Variants in PRKAG2 observed in about 807,000 individuals in gnomAD.
PRKAG2 encodes the protein 5'-AMP-activated protein kinase subunit gamma-2.
PRKAG2 carries 26 observed loss-of-function variants against 69.6 expected under a neutral mutation model. The observed-to-expected ratio is 0.37, with a 90% confidence interval of 0.27 to 0.52. The LOEUF (loss-of-function observed/expected upper bound fraction) is 0.52. PRKAG2 is among the 20% of genes least tolerant of loss of function. The pLI is 0.90. For missense variants in PRKAG2, 557 were observed against 740.0 expected (o/e 0.75, Z 2.87); for synonymous variants, 293 against 285.0 (o/e 1.03, Z -0.28).
rs6464175 is a variant in PRKAG2 at position 151,836,423 on chromosome 7, C to T, written c.114+40084G>A. Among the ~76,000 whole-genome samples, 22,531 of 152,190 alleles carry T rather than the reference C, an allele frequency of 0.15. 2,460 individuals carry two copies. Among genetic ancestry groups the T allele is most frequent in the East Asian group, 0.36 (1,841 of 5,168 alleles). On this transcript the variant is annotated intron_variant, in intron 1 of 15. Coordinates refer to ENST00000287878, the MANE Select transcript of PRKAG2 (RefSeq NM_016203.4). The surrounding 1 kb of genome is among the most constrained non-coding windows in gnomAD (Gnocchi z 4.1). The stretch of plus-strand genomic sequence containing the variant: ...GCAGCTTCCCTGATCACCGCAGTGA[C>T]GCTCCTGCTCAAGCTGGGAGAACCA...
intron 11 of PRKAG2, among the ~76,000 whole-genome samples, chr7:151,566,828 T>C (rs914136720): frequency 6.6e-6 from 1 of 152,194 alleles, no homozygotes; most frequent in African/African-American, 2.4e-5. Flanking sequence ...TAATGCTCCT[T>C]TTTTCTCAGA....
intron 1 of PRKAG2, among the ~76,000 whole-genome samples, chr7:151,813,047 C>T (rs1048391635): frequency 6.6e-6 from 1 of 152,112 alleles, no homozygotes; most frequent in African/African-American, 2.4e-5. Context: ...AAGAGGCCCA[C>T]AGTGAGGCCC....
At chr7:151,797,539 C>T (rs1351891196) in intron 1 of PRKAG2, among the ~76,000 whole-genome samples, 3 of 152,174 alleles carry the variant, frequency 2.0e-5, no homozygotes, top group South Asian at 2.1e-4. Flanking sequence ...AGGCTGCCAC[C>T]TCAGTGCTTC....
At position 151,807,393 on chromosome 7, in the gene PRKAG2, GC is replaced by G; in HGVS notation, c.115-20853del. ...GCAGCGGGAGTGGAATTTTCAGGAA[GC>G]AGCTGTGCTGTGGGTGACGGTCATA... On this transcript the variant is annotated intron_variant, in intron 1 of 15. Coordinates refer to ENST00000287878, the MANE Select transcript of PRKAG2 (RefSeq NM_016203.4). This position sits in a 1 kb window ranked among gnomAD's most constrained non-coding sequence, Gnocchi z 4.4. The G allele has an allele frequency of 2.2e-6, 1 of 456,582 alleles. No homozygotes were observed. The highest frequency in any genetic ancestry group is 4.4e-6 in the Non-Finnish European group (1 of 225,868). 28.3% of individuals were successfully genotyped at this position (456,582 alleles called of 1,614,324 possible). A position where few individuals can be genotyped will look rare whatever the true frequency, so the allele number is the denominator to read the frequency against.
chr7:151,790,703 C>T (rs1488329502), intron 1 of PRKAG2: 1 of 152,224 alleles, frequency 6.6e-6, no homozygotes. Flanking sequence ...CTCTTATCGC[C>T]CATTTTAATG....
chr7:151,689,501 G>A (rs1365702720), intron 3 of PRKAG2, among the ~76,000 whole-genome samples: 1 of 152,246 alleles, frequency 6.6e-6, no homozygotes, highest in African/African-American at 2.4e-5. Context: ...ATGGGCCACA[G>A]AAGCACATTC....
rs185527626 is a variant in PRKAG2, at chr7:151,772,237, C to T, written c.466+8915G>A. ...TCTGGAGAGGCTGCCTGGGAGCCAG[C>T]GGTGTGCTTATATTCCCAACACACA... On this transcript the variant is annotated intron_variant, in intron 3 of 15. Transcript: ENST00000287878. Among the ~76,000 whole-genome samples the T allele has an allele frequency of 5.3e-5, 8 of 152,266 alleles. 1 individual carries two copies. Among genetic ancestry groups the T allele is most frequent in the South Asian group, 4.1e-4 (2 of 4,828 alleles).
intron 10 of PRKAG2, among the ~76,000 whole-genome samples, chr7:151,569,928 C>G (rs986566431): frequency 3.9e-5 from 6 of 152,152 alleles, no homozygotes; most frequent in Admixed American, 3.3e-4. Flanking sequence ...CCAGATTGGC[C>G]GAGATCTTCG....
At chr7:151,773,464 G>A (rs1310304547) in intron 3 of PRKAG2, among the ~76,000 whole-genome samples, 1 of 152,206 alleles carries the variant, frequency 6.6e-6, no homozygotes, top group Non-Finnish European at 1.5e-5. Context: ...TGGTAGCTGT[G>A]TGGCCTTTGT....
chr7:151,621,819 C>T (rs1821572087), intron 5 of PRKAG2, among the ~76,000 whole-genome samples: 1 of 152,176 alleles, frequency 6.6e-6, no homozygotes, highest in African/African-American at 2.4e-5. Context: ...AAGGGATCCT[C>T]CCACTTCAGT....
rs975783148 is a variant in PRKAG2, at chr7:151,638,956, C to T, written c.685-6818G>A. On this transcript the variant is annotated intron_variant, in intron 4 of 15. Transcript: ENST00000287878. This position sits in a 1 kb window ranked among gnomAD's most constrained non-coding sequence, Gnocchi z 4.3. ...TGAGCTCCACTCTGCTCTGCAAGGG[C>T]GTCCTCCAAAGAGTAAAGAACGACG... Among the ~76,000 whole-genome samples the T allele has an allele frequency of 3.3e-5, 5 of 152,194 alleles. No individual in the cohort carries two copies. In the East Asian group the frequency reaches 7.7e-4, roughly 23 times the overall value.
At chr7:151,821,904 T>TGTAC (rs1277522396) in intron 1 of PRKAG2, among the ~76,000 whole-genome samples, 5 of 152,198 alleles carry the variant, frequency 3.3e-5, no homozygotes, top group Admixed American at 3.3e-4. Flanking sequence ...TATGTATGTA[T>TGTAC]GTACATGCAC....
intron 5 of PRKAG2, among the ~76,000 whole-genome samples, chr7:151,598,745 C>A (rs1176063529): frequency 6.6e-6 from 1 of 152,092 alleles, no homozygotes; most frequent in African/African-American, 2.4e-5. Context: ...TACGGACTTA[C>A]ACAGGGAACA....
In PRKAG2 at chr7:151,697,621, C is replaced by T. The variant is rs149043318; in HGVS notation, c.467-21984G>A. Among the ~76,000 whole-genome samples, 861 of 152,232 alleles carry T rather than the reference C, an allele frequency of 5.7e-3. 8 individuals are homozygous for T. Among genetic ancestry groups the T allele is most frequent in the African/African-American group, 0.02 (812 of 41,530 alleles). On this transcript the variant is annotated intron_variant, in intron 3 of 15. Coordinates refer to ENST00000287878, the MANE Select transcript of PRKAG2 (RefSeq NM_016203.4). ...CAGGGTGCCTCCAATCCACTGTGGA[C>T]GGTGACAGGTCAGCAAGGGTCTGAC...
intron 1 of PRKAG2, among the ~76,000 whole-genome samples, chr7:151,816,845 GA>G (rs1339281646): frequency 6.6e-6 from 1 of 152,102 alleles, no homozygotes. Flanking sequence ...CGAGCCTGAG[GA>G]AAAAAGCCTA....
chr7:151,837,894 C>T (rs1056495518), intron 1 of PRKAG2, among the ~76,000 whole-genome samples: 5 of 152,170 alleles, frequency 3.3e-5, no homozygotes, highest in African/African-American at 9.7e-5. Context: ...CCGGTAAAGC[C>T]GGGATCTGAG....
intron 1 of PRKAG2, among the ~76,000 whole-genome samples, chr7:151,802,413 G>T (rs112984121): frequency 6.6e-6 from 1 of 152,126 alleles, no homozygotes; most frequent in Non-Finnish European, 1.5e-5. Context: ...GGGTGCCAAC[G>T]TTTCCCAAAG....
chr7:151,758,665 C>T (rs1052836586), intron 3 of PRKAG2, among the ~76,000 whole-genome samples: 18 of 152,056 alleles, frequency 1.2e-4, no homozygotes, highest in African/African-American at 4.3e-4. Flanking sequence ...CACTGATAGA[C>T]CTGGGGGGAT....
At chr7:151,832,028 G>A (rs1475680584) in intron 1 of PRKAG2, among the ~76,000 whole-genome samples, 2 of 152,128 alleles carry the variant, frequency 1.3e-5, no homozygotes, top group Admixed American at 6.6e-5. Flanking sequence ...GCTGCTGCAC[G>A]AAATCTCCAA....
Sources: allele counts gnomAD v4.1 joint callset (sites outside exome capture counted in the v4.1 genomes callset), GRCh38; gene constraint gnomAD v4.1.1; non-coding constraint Gnocchi (gnomAD v3.1); transcripts MANE v1.5; gene names NCBI Gene and HGNC (gene_info 2026-07-23, HGNC 2026-07-21).